Variants in PTPRM observed in about 807,000 individuals in gnomAD.
PTPRM encodes protein tyrosine phosphatase receptor type M.
Under a neutral mutation model 186.7 loss-of-function variants are expected in PTPRM, and 47 were observed. The observed-to-expected ratio is 0.25, with a 90% CI of 0.20 to 0.32. The LOEUF is 0.32. Among genes scored for constraint, PTPRM ranks in the 10% least tolerant of loss-of-function variants. PTPRM has a pLI of 1.00. For missense variants in PTPRM, 1,494 were observed against 1,865.0 expected, an observed-to-expected ratio of 0.80 and a Z score of 3.66; for synonymous variants, 668 against 674.9, an observed-to-expected ratio of 0.99 and a Z score of 0.16.
chr18:8,253,181 A>G, intron 18 of PTPRM, 46 bp from the exon 19 acceptor site: 1 of 1,335,322 alleles, frequency 7.5e-7, no homozygotes, highest in Non-Finnish European at 9.8e-7. Flanking sequence ...ATGCCGACCT[A>G]GCTCCCTGGC....
intron 13 of PTPRM, among the ~76,000 whole-genome samples, chr18:8,129,983 G>A (rs368613657): frequency 2.0e-5 from 3 of 152,178 alleles, no homozygotes; most frequent in East Asian, 1.9e-4. Context: ...TGTGAAACGT[G>A]TTCTTCCATG....
intron 4 of PTPRM, among the ~76,000 whole-genome samples, chr18:7,914,821 A>G (rs545483023): frequency 8.1e-4 from 124 of 152,236 alleles, no homozygotes; most frequent in African/African-American, 2.8e-3. Flanking sequence ...TTTGGCAGCA[A>G]TTTGCTTCCT....
chr18:8,396,757 G>A (rs995868297), intron 32 of PTPRM, among the ~76,000 whole-genome samples: 1 of 152,182 alleles, frequency 6.6e-6, no homozygotes, highest in Admixed American at 6.5e-5. Flanking sequence ...TGCAATGTCT[G>A]GAGAAAACTA....
chr18:8,000,965 A>G (rs1034835924), intron 7 of PTPRM, among the ~76,000 whole-genome samples: 8 of 152,312 alleles, frequency 5.3e-5, no homozygotes, highest in African/African-American at 1.9e-4. Flanking sequence ...GGTGGTGGCA[A>G]TAAATGGGTG....
intron 2 of PTPRM, among the ~76,000 whole-genome samples, chr18:7,782,761 T>G (rs998390905): frequency 2.0e-5 from 3 of 152,230 alleles, no homozygotes; most frequent in Non-Finnish European, 2.9e-5. Flanking sequence ...ATACAAAAAC[T>G]TTCAGAGATT....
intron 1 of PTPRM, among the ~76,000 whole-genome samples, chr18:7,577,655 C>T (rs540903928): frequency 5.8e-4 from 88 of 152,298 alleles, no homozygotes; most frequent in Admixed American, 1.3e-3. Context: ...ACTTTGACAA[C>T]AACCTCATAA....
intron 2 of PTPRM, among the ~76,000 whole-genome samples, chr18:7,825,060 G>A (rs1287205632): frequency 1.3e-5 from 2 of 152,196 alleles, no homozygotes; most frequent in African/African-American, 2.4e-5. Context: ...TGCGTTTCAT[G>A]TGCAGGGCCA....
chr18:8,202,523 G>C (rs182154521), intron 14 of PTPRM, among the ~76,000 whole-genome samples: 1 of 151,806 alleles, frequency 6.6e-6, no homozygotes, highest in Non-Finnish European at 1.5e-5. Context: ...AGGGGAGAAA[G>C]ATTAAGATGT....
intron 24 of PTPRM, among the ~76,000 whole-genome samples, chr18:8,371,321 G>A (rs1378259442): frequency 1.3e-5 from 2 of 152,158 alleles, no homozygotes; most frequent in African/African-American, 4.8e-5. Context: ...AACAAAGTTT[G>A]CTAAATTTTG....
At chr18:8,295,602 T>A (rs557297195) in intron 19 of PTPRM, among the ~76,000 whole-genome samples, 24 of 152,218 alleles carry the variant, frequency 1.6e-4, no homozygotes, top group African/African-American at 5.8e-4. Flanking sequence ...AAACAAGAAA[T>A]AGCTTTACTG....
At chr18:7,935,229 C>T (rs1299241766) in intron 5 of PTPRM, among the ~76,000 whole-genome samples, 1 of 152,050 alleles carries the variant, frequency 6.6e-6, no homozygotes, top group Non-Finnish European at 1.5e-5. Context: ...TAAAGGAGGA[C>T]TGTCTTTAGT....
At chr18:8,358,139 C>CACA (rs200871542) in intron 23 of PTPRM, among the ~76,000 whole-genome samples, 2 of 150,724 alleles carry the variant, frequency 1.3e-5, no homozygotes, top group Non-Finnish European at 3.0e-5. Context: ...ATTCCCCCCC[C>CACA]CACACACACA....
chr18:8,344,608 T>C (rs904513759), intron 23 of PTPRM, among the ~76,000 whole-genome samples: 2 of 152,000 alleles, frequency 1.3e-5, no homozygotes, highest in African/African-American at 4.8e-5. Context: ...ATTTTAAATG[T>C]TTAGCTTAGC....
rs189516183 is a variant in PTPRM at position 8,288,603 on chromosome 18, T to C, written c.2755-7765T>C. Among the ~76,000 whole-genome samples, 21 of 152,348 alleles carry C rather than the reference T, an allele frequency of 1.4e-4. No individual in the cohort carries two copies. The East Asian group carries it at 4.1e-3, about 29-fold the overall frequency. ...CAGAACAGTGGCCTTGTCCAAGGAA[T>C]GTTCAGCAGCCGTGAACACTCCGCA... On this transcript the variant is annotated intron_variant, in intron 19 of 32. Coordinates refer to ENST00000580170, the MANE Select transcript of PTPRM (RefSeq NM_001105244.2).
chr18:8,154,930 T>C (rs2093088118), intron 14 of PTPRM: 2 of 152,246 alleles, frequency 1.3e-5, no homozygotes, highest in Non-Finnish European at 2.9e-5. Flanking sequence ...ATTTTTACTT[T>C]ATTATGTAAG....
intron 2 of PTPRM, among the ~76,000 whole-genome samples, chr18:7,858,614 G>C (rs2047201557): frequency 6.6e-6 from 1 of 152,134 alleles, no homozygotes; most frequent in Non-Finnish European, 1.5e-5. Flanking sequence ...TTGTTGTGAT[G>C]AGAATTACCA....
intron 14 of PTPRM, among the ~76,000 whole-genome samples, chr18:8,199,066 T>C (rs1277893673): frequency 6.6e-6 from 1 of 152,034 alleles, no homozygotes; most frequent in Non-Finnish European, 1.5e-5. Context: ...CTCGGCGGGC[T>C]CATCTTCTCT....
In PTPRM at chr18:8,065,348, G is replaced by A. The variant is rs551681434; in HGVS notation, c.1133-4338G>A. 3.0e-4 allele frequency among the ~76,000 whole-genome samples: 46 copies of A among 152,266 alleles called. No individual in the cohort carries two copies. In the South Asian group the frequency reaches 3.5e-3, roughly 12 times the overall value. On this transcript the variant is annotated intron_variant, in intron 7 of 32. Transcript: ENST00000580170. ...CTGGAGGCTAGAAGTGGGCTTGCTCGTCCCTTAGGTCAGACTTCTCTGCTG... is the reference window on the plus strand; with the variant it reads ...CTGGAGGCTAGAAGTGGGCTTGCTCATCCCTTAGGTCAGACTTCTCTGCTG...
intron 1 of PTPRM, among the ~76,000 whole-genome samples, chr18:7,657,221 T>C (rs1400731708): frequency 6.6e-6 from 1 of 152,190 alleles, no homozygotes; most frequent in Non-Finnish European, 1.5e-5. Flanking sequence ...CTCTGTGTGC[T>C]GCTATTTCTG....
Sources: gnomAD v4.1 joint callset for allele counts (sites outside exome capture counted in the v4.1 genomes callset) on GRCh38, gnomAD v4.1.1 for gene constraint, MANE v1.5 for transcripts, NCBI Gene and HGNC (gene_info 2026-07-23, HGNC 2026-07-21) for gene names.